Variants in KLF12 observed in about 807,000 individuals in gnomAD.
The protein encoded by KLF12 is KLF transcription factor 12.
KLF12 carries 9 observed loss-of-function variants against 37.8 expected under a neutral mutation model. The ratio of observed to expected loss-of-function variants is 0.24; its 90% confidence interval spans 0.14 to 0.42. KLF12 has a LOEUF of 0.42. KLF12 is among the 10% of genes least tolerant of loss of function. KLF12 has a pLI of 1.00. For missense variants in KLF12, 411 were observed against 516.0 expected (o/e 0.80, Z 1.97); for synonymous variants, 208 against 202.1 (o/e 1.03, Z -0.25).
At chr13:73,991,000 G>A (rs181618319) in intron 2 of KLF12, among the ~76,000 whole-genome samples, 3 of 152,022 alleles carry the variant, frequency 2.0e-5, no homozygotes, top group South Asian at 2.1e-4. Flanking sequence ...AATGAGCAAC[G>A]CATCATCTTT....
At chr13:73,958,991 C>A (rs1330686770) in intron 2 of KLF12, among the ~76,000 whole-genome samples, 2 of 151,984 alleles carry the variant, frequency 1.3e-5, no homozygotes, top group Non-Finnish European at 2.9e-5. Flanking sequence ...TTAGCACTGG[C>A]CTCTTTATCC....
At chr13:73,955,222 C>T (rs1890795817) in intron 2 of KLF12, among the ~76,000 whole-genome samples, 1 of 152,106 alleles carries the variant, frequency 6.6e-6, no homozygotes, top group African/African-American at 2.4e-5. Context: ...TGGTATTTCA[C>T]TTATTCTTCC....
intron 3 of KLF12, among the ~76,000 whole-genome samples, chr13:73,849,824 C>G (rs576041949): frequency 6.6e-6 from 1 of 152,150 alleles, no homozygotes; most frequent in East Asian, 1.9e-4. Context: ...TAAATAAAAG[C>G]CCATCATGAT....
intron 4 of KLF12, among the ~76,000 whole-genome samples, chr13:73,815,440 A>G (rs1020340207): frequency 6.6e-6 from 1 of 152,226 alleles, no homozygotes; most frequent in African/African-American, 2.4e-5. Flanking sequence ...ACCAACACTA[A>G]AGGAACGTAG....
the KLF12 span, among the ~76,000 whole-genome samples, chr13:74,292,277 A>G: frequency 1.3e-5 from 2 of 152,170 alleles, no homozygotes; most frequent in Non-Finnish European, 2.9e-5. Flanking sequence ...AACTCCAACC[A>G]TTAGTAGCTT....
chr13:74,068,659 C>T (rs1397028956), intron 1 of KLF12, among the ~76,000 whole-genome samples: 3 of 150,808 alleles, frequency 2.0e-5, no homozygotes, highest in Admixed American at 6.7e-5. Flanking sequence ...CAGGTTCAAA[C>T]GATTCTCCTG....
At chr13:73,697,311 A>G (rs1017279106) in intron 7 of KLF12, among the ~76,000 whole-genome samples, 3 of 152,196 alleles carry the variant, frequency 2.0e-5, no homozygotes, top group African/African-American at 7.2e-5. Flanking sequence ...GGCCTGTTAA[A>G]TCTAGAAATA....
the KLF12 span, among the ~76,000 whole-genome samples, chr13:74,244,067 C>T: frequency 6.6e-6 from 1 of 152,142 alleles, no homozygotes; most frequent in Non-Finnish European, 1.5e-5. Context: ...ATCACAGTTC[C>T]TGCTGTGGTT....
chr13:73,852,509 C>T (rs536294298), intron 3 of KLF12, among the ~76,000 whole-genome samples: 14 of 152,134 alleles, frequency 9.2e-5, no homozygotes, highest in Non-Finnish European at 1.3e-4. Flanking sequence ...CGGCCAGGCA[C>T]GGTGACTCAC....
At chr13:73,718,724 C>T (rs1432957846) in intron 6 of KLF12, among the ~76,000 whole-genome samples, 3 of 152,140 alleles carry the variant, frequency 2.0e-5, no homozygotes, top group Non-Finnish European at 4.4e-5. Context: ...GAAACCCTGT[C>T]TCTACAAAAA....
intron 6 of KLF12, among the ~76,000 whole-genome samples, chr13:73,723,799 T>C (rs569586059): frequency 6.6e-6 from 1 of 152,160 alleles, no homozygotes; most frequent in Non-Finnish European, 1.5e-5. Context: ...GAAAAAAAGC[T>C]CATCATCACT....
intron 1 of KLF12, among the ~76,000 whole-genome samples, chr13:74,032,906 T>C (rs1413710237): frequency 6.6e-6 from 1 of 152,232 alleles, no homozygotes; most frequent in Non-Finnish European, 1.5e-5. Flanking sequence ...AACAGAAATA[T>C]GTGTTTAATG....
the KLF12 span, among the ~76,000 whole-genome samples, chr13:74,192,679 TA>T: frequency 5.6e-5 from 8 of 142,468 alleles, no homozygotes; most frequent in African/African-American, 2.1e-4. Flanking sequence ...ATGGCAGAGC[TA>T]TGATCTACAC....
intron 6 of KLF12, among the ~76,000 whole-genome samples, chr13:73,762,816 A>G (rs1311486806): frequency 1.3e-5 from 2 of 152,194 alleles, no homozygotes; most frequent in Non-Finnish European, 2.9e-5. Context: ...CTTTACTAGA[A>G]GTACAGGCTG....
chr13:74,088,610 G>C (rs1471057920), intron 1 of KLF12, among the ~76,000 whole-genome samples: 1 of 152,132 alleles, frequency 6.6e-6, no homozygotes, highest in Non-Finnish European at 1.5e-5. Flanking sequence ...GTCATCACAT[G>C]GTACTCTGAT....
chr13:73,776,262 C>T (rs964544548), intron 5 of KLF12, among the ~76,000 whole-genome samples: 3 of 152,164 alleles, frequency 2.0e-5, no homozygotes, highest in East Asian at 1.9e-4. Context: ...AATCACAGAG[C>T]GGTCTGATCC....
At chr13:73,935,154 AT>A (rs1302805759) in intron 3 of KLF12, among the ~76,000 whole-genome samples, 3 of 151,074 alleles carry the variant, frequency 2.0e-5, no homozygotes, top group Admixed American at 6.6e-5. Context: ...TAATTTTTGT[AT>A]TTTTTTATTT....
At chr13:73,803,076 T>A (rs568949980) in intron 5 of KLF12, among the ~76,000 whole-genome samples, 1 of 152,270 alleles carries the variant, frequency 6.6e-6, no homozygotes, top group South Asian at 2.1e-4. Flanking sequence ...TGGTTTTTTG[T>A]TTGTTTGTTT....
intron 3 of KLF12, among the ~76,000 whole-genome samples, chr13:73,919,904 T>G (rs1172815920): frequency 6.6e-6 from 1 of 152,190 alleles, no homozygotes; most frequent in Non-Finnish European, 1.5e-5. Flanking sequence ...CTACTATTAT[T>G]TCTTTATTAT....
Sources: allele counts gnomAD v4.1 joint callset (sites outside exome capture counted in the v4.1 genomes callset), GRCh38; gene constraint gnomAD v4.1.1; transcripts MANE v1.5; gene names NCBI Gene and HGNC (gene_info 2026-07-23, HGNC 2026-07-21).